RIMS2: variants seen among roughly 807,000 people sequenced by gnomAD.
The protein encoded by RIMS2 is regulating synaptic membrane exocytosis protein 2.
In RIMS2, 59 loss-of-function variants were observed where a neutral mutation model predicts 174.4. That is an observed-to-expected ratio of 0.34 (90% CI 0.27 to 0.42). The LOEUF is 0.42. Among genes scored for constraint, RIMS2 ranks in the 10% least tolerant of loss-of-function variants. The pLI is 1.00. For synonymous variants in RIMS2, 606 were observed against 572.5 expected (o/e 1.06, Z -0.84); for missense variants, 1,620 against 1,666.3 (o/e 0.97, Z 0.48).
intron 1 of RIMS2, among the ~76,000 whole-genome samples, chr8:103,528,959 T>G (rs1835509562): frequency 6.6e-6 from 1 of 152,200 alleles, no homozygotes; most frequent in Non-Finnish European, 1.5e-5. Context: ...GGGGATGGCA[T>G]TGAATCTATA....
intron 3 of RIMS2, among the ~76,000 whole-genome samples, chr8:103,868,157 C>T (rs573959366): frequency 2.0e-5 from 3 of 151,880 alleles, no homozygotes; most frequent in Non-Finnish European, 2.9e-5. Context: ...ATTTTTTTAG[C>T]AGTCTTGGTT....
rs1200078707 is a variant in RIMS2, at chr8:103,977,519, CTG to C, written c.2927+2016_2927+2017del. ...ACATTCTACTCAACACAGAACACCT[CTG>C]TGAACAGATTTGTGGGGATTTTTTC... On this transcript the variant is annotated intron_variant, in intron 16 of 23. Transcript: ENST00000504942. 4 of 152,340 alleles carry C rather than the reference CTG, an allele frequency of 2.6e-5. No homozygotes were observed. In the East Asian group the frequency reaches 5.8e-4, roughly 22 times the overall value. 9.4% of individuals were successfully genotyped at this position (152,340 alleles called of 1,614,324 possible). A position where few individuals can be genotyped will look rare whatever the true frequency, so the allele number is the denominator to read the frequency against.
At chr8:104,235,213 G>C (rs983756774) in intron 19 of RIMS2, among the ~76,000 whole-genome samples, 2 of 152,056 alleles carry the variant, frequency 1.3e-5, no homozygotes, top group Non-Finnish European at 2.9e-5. Context: ...CTGAGATGAG[G>C]TTTCAAGTCA....
At chr8:103,858,575 A>G (rs1322121812) in intron 3 of RIMS2, among the ~76,000 whole-genome samples, 2 of 151,592 alleles carry the variant, frequency 1.3e-5, no homozygotes, top group African/African-American at 4.8e-5. Flanking sequence ...ACTTAACCAT[A>G]TATATGTACA....
At chr8:104,120,245 C>T (rs1176089498) in intron 19 of RIMS2, among the ~76,000 whole-genome samples, 2 of 152,208 alleles carry the variant, frequency 1.3e-5, no homozygotes, top group African/African-American at 2.4e-5. Flanking sequence ...CATTTAAAAT[C>T]CAAAGCATAT....
chr8:103,834,332 CTTTTTTT>C (rs397892077), intron 3 of RIMS2, among the ~76,000 whole-genome samples: 15 of 119,288 alleles, frequency 1.3e-4, no homozygotes, highest in Non-Finnish European at 1.9e-4. Flanking sequence ...TTTTCTTTTT[CTTTTTTT>C]TTTTTTTTTT....
At chr8:103,564,030 G>A (rs1438441351) in intron 1 of RIMS2, among the ~76,000 whole-genome samples, 1 of 152,116 alleles carries the variant, frequency 6.6e-6, no homozygotes, top group Non-Finnish European at 1.5e-5. Flanking sequence ...ATTTGGGTGG[G>A]GATGCAATCA....
chr8:103,695,731 TTTTG>T (rs992877739), intron 1 of RIMS2, among the ~76,000 whole-genome samples: 10 of 151,928 alleles, frequency 6.6e-5, no homozygotes, highest in African/African-American at 1.7e-4. Flanking sequence ...GACAGTTTTT[TTTTG>T]TTTGTTTGTT....
chr8:103,782,052 C>A (rs913670136), intron 3 of RIMS2, among the ~76,000 whole-genome samples: 21 of 151,480 alleles, frequency 1.4e-4, no homozygotes, highest in African/African-American at 4.6e-4. Context: ...GTGGCCTTAT[C>A]TCCCCTATTC....
chr8:103,774,466 T>C (rs1016714710), intron 3 of RIMS2, among the ~76,000 whole-genome samples: 2 of 152,236 alleles, frequency 1.3e-5, no homozygotes, highest in African/African-American at 4.8e-5. Context: ...AACTGTGGTA[T>C]ATTCAAGTAT....
chr8:104,014,433 T>C (rs1002516737), intron 18 of RIMS2, 73 bp from the exon 21 acceptor site: 15 of 830,096 alleles, frequency 1.8e-5, no homozygotes, highest in Non-Finnish European at 2.8e-5. Flanking sequence ...ACAGCTATCA[T>C]ATGAACCAAA....
intron 19 of RIMS2, among the ~76,000 whole-genome samples, chr8:104,140,879 C>G (rs148436255): frequency 2.1e-4 from 32 of 152,244 alleles, no homozygotes; most frequent in African/African-American, 7.7e-4. Flanking sequence ...CAGGTCATCT[C>G]TCTGAGGATG....
intron 1 of RIMS2, among the ~76,000 whole-genome samples, chr8:103,574,467 A>G (rs966033531): frequency 3.9e-5 from 6 of 152,104 alleles, no homozygotes; most frequent in African/African-American, 1.4e-4. Context: ...ATTATGGTTG[A>G]CTTGCTCTTA....
At chr8:103,943,744 A>G (rs927290375) in intron 14 of RIMS2, among the ~76,000 whole-genome samples, 1 of 152,170 alleles carries the variant, frequency 6.6e-6, no homozygotes, top group African/African-American at 2.4e-5. Context: ...ACTGAGGTGT[A>G]TGCATACTGT....
At chr8:103,843,516 G>A (rs2098952101) in intron 3 of RIMS2, among the ~76,000 whole-genome samples, 2 of 152,168 alleles carry the variant, frequency 1.3e-5, no homozygotes, top group Non-Finnish European at 2.9e-5. Context: ...GATGTTTTTT[G>A]AGAATGTGTC....
chr8:104,140,295 T>A (rs541092091), intron 19 of RIMS2, among the ~76,000 whole-genome samples: 5 of 152,264 alleles, frequency 3.3e-5, no homozygotes, highest in Non-Finnish European at 7.4e-5. Context: ...AGACCCAAGT[T>A]TATAAAGCTT....
At chr8:104,082,530 A>C (rs919505029) in intron 19 of RIMS2, among the ~76,000 whole-genome samples, 3 of 152,178 alleles carry the variant, frequency 2.0e-5, no homozygotes, top group African/African-American at 7.2e-5. Flanking sequence ...AGCACAAGCC[A>C]TGTTTAAGAA....
At chr8:104,239,920 G>C (rs772612864) in intron 19 of RIMS2, among the ~76,000 whole-genome samples, 1 of 152,108 alleles carries the variant, frequency 6.6e-6, no homozygotes, top group Admixed American at 6.6e-5. Flanking sequence ...AGCTTTCAAG[G>C]CCCTTTCGGT....
intron 1 of RIMS2, among the ~76,000 whole-genome samples, chr8:103,553,543 A>C (rs1030243347): frequency 6.6e-6 from 1 of 152,088 alleles, no homozygotes; most frequent in Non-Finnish European, 1.5e-5. Context: ...ACATATATAC[A>C]TATGTAACAA....
Sources: allele counts gnomAD v4.1 joint callset (sites outside exome capture counted in the v4.1 genomes callset), GRCh38; gene constraint gnomAD v4.1.1; transcripts MANE v1.5; gene names NCBI Gene and HGNC (gene_info 2026-07-23, HGNC 2026-07-21).